SLC16A3: variants seen among roughly 807,000 people sequenced by gnomAD.
SLC16A3 encodes solute carrier family 16 member 3.
A neutral mutation model predicts 25.0 loss-of-function variants in SLC16A3; 22 were observed. The ratio of observed to expected loss-of-function variants is 0.88; its 90% CI spans 0.63 to 1.26. The LOEUF (loss-of-function observed/expected upper bound fraction) is 1.26, where lower values mean the gene tolerates loss of function less well. Among genes scored for constraint, SLC16A3 ranks in the 50% most tolerant of loss-of-function variants. The probability of loss-of-function intolerance (pLI) is 0.00; values close to 1 mark genes in which losing one functional copy is unlikely to be tolerated. For synonymous variants in SLC16A3, 390 were observed against 309.2 expected (o/e 1.26, Z -2.74); for missense variants, 731 against 666.6 (o/e 1.10, Z -1.06).
chr17:82,224,899 GTGGGTCAGGCCC>G (rs374621208), upstream of SLC16A3, among the ~76,000 whole-genome samples: 31 of 152,318 alleles, frequency 2.0e-4, no homozygotes, highest in East Asian at 5.4e-3. Flanking sequence ...CAGCAGTGTG[GTGGGTCAGGCCC>G]CACTGGGCCA....
upstream of SLC16A3, chr17:82,228,997 C>G (rs2050449819): frequency 6.7e-6 from 1 of 149,694 alleles, no homozygotes; most frequent in South Asian, 1.9e-4. Flanking sequence ...ACGTGCCGCG[C>G]CAGCGACCCG....
At chr17:82,225,002 A>G (rs2050413341), upstream of SLC16A3, among the ~76,000 whole-genome samples, 1 of 152,210 alleles carries the variant, frequency 6.6e-6, no homozygotes, top group Non-Finnish European at 1.5e-5. Flanking sequence ...AGCCAGGTTA[A>G]TATGTATTTT....
At chr17:82,220,795 G>A (rs531501964) in intron 1 of SLC16A3, among the ~76,000 whole-genome samples, 2 of 152,106 alleles carry the variant, frequency 1.3e-5, no homozygotes, top group South Asian at 4.1e-4. Context: ...ACTCTCAGAA[G>A]AAAGCATAAT....
At position 82,237,790 on chromosome 17, in the gene SLC16A3, C is replaced by A. The variant is rs373465497; in HGVS notation, c.1020C>A (p.Phe340Leu). Residue 340 changes from phenylalanine (F) to leucine (L), a missense_variant, in exon 4 of 5, where the codon TTC (phenylalanine) becomes TTA (leucine). Phe to Leu is a conservative substitution (Grantham distance 22, BLOSUM62 0). Coordinates refer to ENST00000582743, the MANE Select transcript of SLC16A3 (RefSeq NM_004207.4). ...ISYGMVGALQ[F>L]EVLMAIVGTH... ...ACGGCATGGTGGGGGCCCTGCAGTT[C>A]GAGGTGCTCATGGCCATCGTGGGCA... The A allele has an allele frequency of 6.2e-7, 1 of 1,611,460 alleles. No homozygotes were observed. Among genetic ancestry groups the A allele is most frequent in the Non-Finnish European group, 8.5e-7 (1 of 1,179,958 alleles).
upstream of SLC16A3, chr17:82,228,298 G>A (rs1170369854): frequency 6.6e-6 from 1 of 152,328 alleles, no homozygotes; most frequent in Non-Finnish European, 1.5e-5. Context: ...CTCCCCGAAG[G>A]TGGGAGCCGC....
chr17:82,232,944 G>T (rs2050524508), intron 1 of SLC16A3, among the ~76,000 whole-genome samples: 2 of 145,756 alleles, frequency 1.4e-5, no homozygotes, highest in African/African-American at 5.0e-5. Flanking sequence ...AAATGTCAGG[G>T]GAAGGCCAGC....
chr17:82,239,755 T>G lies in SLC16A3; in HGVS notation c.*779T>G. Reference sequence around the variant, plus strand: ...TGGAACAAGCCACTTTATTCACTGCTGTGTTTAAGAAACAGGACCCTCCTG... The same window carrying G: ...TGGAACAAGCCACTTTATTCACTGCGGTGTTTAAGAAACAGGACCCTCCTG... On this transcript the variant is annotated 3_prime_UTR_variant, in exon 5 of 5. Transcript: ENST00000582743. 1 of 391,892 alleles carries G rather than the reference T, an allele frequency of 2.6e-6. No homozygotes were observed. The highest frequency in any genetic ancestry group is 4.5e-6 in the Non-Finnish European group (1 of 222,198). 24.3% of individuals were successfully genotyped at this position (391,892 alleles called of 1,614,324 possible). A position where few individuals can be genotyped will look rare whatever the true frequency, so the allele number is the denominator to read the frequency against.
At position 82,238,830 on chromosome 17, in the gene SLC16A3, C is replaced by T. The variant is rs895916687; in HGVS notation, c.1252C>T (p.Gln418Ter). ...CATTAGGAAGAAGCCCAAAGAGCCA[C>T]AGCCTGAGGTGGCGGCCGCGGAGGA... ...FCIRKKPKEP[Q>*]PEVAAAEEEK... Residue 418 changes from glutamine (Q) to a stop codon, truncating the protein, a stop_gained, in exon 5 of 5, where the codon CAG becomes TAG. Transcript: ENST00000582743. LOFTEE classifies it low-confidence loss of function (END_TRUNC). The T allele has an allele frequency of 9.3e-6, 15 of 1,612,736 alleles. No homozygotes were observed. Among genetic ancestry groups the T allele is most frequent in the Non-Finnish European group, 1.2e-5 (14 of 1,179,888 alleles).
chr17:82,238,593 G>C, intron 4 of SLC16A3, 109 bp from the exon 5 acceptor site: 1 of 1,163,058 alleles, frequency 8.6e-7, no homozygotes, highest in South Asian at 1.7e-5. Flanking sequence ...CTCAGAGGCA[G>C]ACAGGGTGAC....
intron 1 of SLC16A3, chr17:82,232,061 G>GCGCCCT (rs2050505570): frequency 6.6e-6 from 1 of 152,292 alleles, no homozygotes; most frequent in South Asian, 2.1e-4. Flanking sequence ...CCCCGGTGCA[G>GCGCCCT]CGCCCTCCCG....
intron 1 of SLC16A3, chr17:82,231,433 G>A (rs1297369816): frequency 1.3e-5 from 2 of 152,318 alleles, no homozygotes; most frequent in African/African-American, 4.8e-5. Context: ...GCGGCGGTGG[G>A]GTAGGGGGCG....
In SLC16A3 at chr17:82,236,227, G is replaced by GAC; in HGVS notation, c.221_222dup (p.Gly75GlnfsTer9). On this transcript the variant is annotated frameshift_variant, in exon 2 of 5. Transcript: ENST00000582743. LOFTEE classifies it high-confidence loss of function. ...CCATCCTGCTGGCCATGCTCTACGG[G>GAC]ACAGGTGAGGGTGGCCTCACACCGG... 1 of 1,612,698 alleles carries GAC rather than the reference G, an allele frequency of 6.2e-7. No homozygotes were observed. Among genetic ancestry groups the GAC allele is most frequent in the Non-Finnish European group, 8.5e-7 (1 of 1,179,848 alleles).
chr17:82,234,226 G>T (rs1361908242), intron 1 of SLC16A3: 1 of 152,326 alleles, frequency 6.6e-6, no homozygotes, highest in Admixed American at 6.5e-5. Flanking sequence ...GTATGAGCGG[G>T]ACCTACCCTG....
rs1599565059 is a variant in SLC16A3, at chr17:82,239,494, G to A, written c.*518G>A. 5.9e-6 allele frequency: 1 copy of A among 169,762 alleles called. No individual in the cohort carries two copies. Among genetic ancestry groups the A allele is most frequent in the Non-Finnish European group, 1.2e-5 (1 of 80,292 alleles). The allele number at this position is 169,762 out of a possible 1,614,324, so 10.5% of individuals were successfully genotyped here. ...GAGTGTTAGGACCAACGGTTTCCTAGGAGTATGTGGTTTTGCTGTGTGGCC... is the reference window on the plus strand; with the variant it reads ...GAGTGTTAGGACCAACGGTTTCCTAAGAGTATGTGGTTTTGCTGTGTGGCC... On this transcript the variant is annotated 3_prime_UTR_variant, in exon 5 of 5. Transcript: ENST00000582743.
At chr17:82,235,924 C>A in intron 1 of SLC16A3, 59 bp from the exon 2 acceptor site, 2 of 1,212,300 alleles carry the variant, frequency 1.6e-6, no homozygotes. Context: ...CCCTCCCCTG[C>A]CAGGCTGCAG....
In SLC16A3 at chr17:82,238,882, ACT is replaced by A; in HGVS notation, c.1306_1307del (p.Ser436GlyfsTer14). 1.2e-6 allele frequency: 2 copies of A among 1,607,964 alleles called. No homozygotes were observed. The highest frequency in any genetic ancestry group is 1.3e-5 in the African/African-American group (1 of 74,974). On this transcript the variant is annotated frameshift_variant, in exon 5 of 5. Transcript: ENST00000582743. LOFTEE classifies it high-confidence loss of function. ...GAGAAGCTCCACAAGCCTCCTGCAG[ACT>A]CGGGGGTGGACTTGCGGGAGGTGGA... is the stretch of plus-strand genomic sequence containing the variant.
chr17:82,238,017 G>T lies in SLC16A3; in HGVS notation c.1123+124G>T, dbSNP rs2050658057. On this transcript the variant is annotated intron_variant, in intron 4 of 4. Coordinates refer to ENST00000582743, the MANE Select transcript of SLC16A3 (RefSeq NM_004207.4). ...AGTGTGGGACTCAGAGCTGGAGGGG[G>T]TGCACTGTGCTGGACCAACCCTGAT... 1.1e-5 allele frequency: 13 copies of T among 1,188,010 alleles called. No homozygotes were observed. The South Asian group carries it at 1.2e-4, about 11-fold the overall frequency. 73.6% of individuals were successfully genotyped at this position (1,188,010 alleles called of 1,614,324 possible).
upstream of SLC16A3, chr17:82,228,410 G>C (rs911704277): frequency 6.6e-6 from 1 of 152,334 alleles, no homozygotes; most frequent in Non-Finnish European, 1.5e-5. Flanking sequence ...GGAGCCACCT[G>C]GGGAAACGGA....
upstream of SLC16A3, among the ~76,000 whole-genome samples, chr17:82,223,850 C>T (rs2050403468): frequency 6.6e-6 from 1 of 151,960 alleles, no homozygotes; most frequent in African/African-American, 2.4e-5. Context: ...CAGCATTGAC[C>T]CTGTCTCAGT....
Sources: allele counts gnomAD v4.1 joint callset (sites outside exome capture counted in the v4.1 genomes callset), GRCh38; gene constraint gnomAD v4.1.1; transcripts MANE v1.5; gene names NCBI Gene and HGNC (gene_info 2026-07-23, HGNC 2026-07-21).